Variants in SH2D7 observed in about 807,000 individuals in gnomAD.
The protein encoded by SH2D7 is SH2 domain containing 7.
SH2D7 carries 32 observed loss-of-function variants against 40.8 expected under a neutral mutation model. The observed-to-expected ratio is 0.78, with a 90% CI of 0.59 to 1.05. The LOEUF (loss-of-function observed/expected upper bound fraction) is 1.05, where lower values mean the gene tolerates loss of function less well. Ranked by LOEUF, SH2D7 falls within the 50% of genes least tolerant of loss-of-function variation. The probability of loss-of-function intolerance (pLI) is 0.00; values close to 1 mark genes in which losing one functional copy is unlikely to be tolerated. For missense variants in SH2D7, 559 were observed against 566.6 expected, an observed-to-expected ratio of 0.99 and a Z score of 0.14; for synonymous variants, 195 against 221.5, an observed-to-expected ratio of 0.88 and a Z score of 1.06.
rs1350131096 is a variant in SH2D7 at position 78,101,248 on chromosome 15, T to G, written c.995T>G (p.Phe332Cys). The G allele has an allele frequency of 6.2e-7, 1 of 1,606,616 alleles. No individual in the cohort carries two copies. The highest frequency in any genetic ancestry group is 1.1e-5 in the South Asian group (1 of 90,298). The stretch of plus-strand genomic sequence containing the variant: ...CTGGGGGCTACCTGGAGGCAGGAGT[T>G]TCCAAAGCTGAGCCAAGAGGCTCAG... Reference protein sequence around the residue: ...GSLGATWRQEFPKLSQEAQPC... With the variant: ...GSLGATWRQECPKLSQEAQPC... The change falls in exon 5 of 6, where the codon TTT becomes TGT. Residue 332 changes from phenylalanine to cysteine, a missense_variant. Transcript: ENST00000328828.
chr15:78,092,789 C>T, intron 1 of SH2D7, 29 bp downstream of exon 1: 1 of 1,589,864 alleles, frequency 6.3e-7, no homozygotes, highest in South Asian at 1.1e-5. Context: ...ACAGGTCCCT[C>T]ATAGCCCACA....
In SH2D7 at chr15:78,103,649, C is replaced by A. The variant is rs1255502887; in HGVS notation, c.*134C>A. 1 of 1,137,230 alleles carries A rather than the reference C, an allele frequency of 8.8e-7. No individual in the cohort carries two copies. Among genetic ancestry groups the A allele is most frequent in the South Asian group, 1.5e-5 (1 of 65,734 alleles). The allele number at this position is 1,137,230 out of a possible 1,614,324, so 70.4% of individuals were successfully genotyped here. ...TCATCCAGCCTGCTACAGAACTAGGCTCCGAGACAGCCGAGGTGCCTGCCT... is the reference window on the plus strand; with the variant it reads ...TCATCCAGCCTGCTACAGAACTAGGATCCGAGACAGCCGAGGTGCCTGCCT... On this transcript the variant is annotated 3_prime_UTR_variant, in exon 6 of 6. Transcript: ENST00000328828.
chr15:78,097,950 T>TCGGATA lies in SH2D7; in HGVS notation c.288_289insCGGATA (p.His96_Phe97insArgIle). On this transcript the variant is annotated inframe_insertion, in exon 3 of 6. Coordinates refer to ENST00000328828, the MANE Select transcript of SH2D7 (RefSeq NM_001101404.2). ...GCAGGGGCAGTGATCGCTGCCGACA[T>TCGGATA]TTTGTCATCAACCAGCTTCGAAACC... 1 of 1,606,288 alleles carries TCGGATA rather than the reference T, an allele frequency of 6.2e-7. No individual in the cohort carries two copies. Among genetic ancestry groups the TCGGATA allele is most frequent in the Middle Eastern group, 1.7e-4 (1 of 6,042 alleles).
In SH2D7 at chr15:78,101,218, G is replaced by C; in HGVS notation, c.965G>C (p.Gly322Ala). ...TCCTGGGGATGTTCTGATGCCATGG[G>C]ATCCCTGGGGGCTACCTGGAGGCAG... Reference protein sequence around the residue: ...PTSWGCSDAMGSLGATWRQEF... With the variant: ...PTSWGCSDAMASLGATWRQEF... The change falls in exon 5 of 6, where the codon GGA (glycine) becomes GCA (alanine). Residue 322 changes from glycine to alanine, a missense_variant. Transcript: ENST00000328828. The C allele has an allele frequency of 2.5e-6, 4 of 1,600,696 alleles. No individual in the cohort carries two copies. The highest frequency in any genetic ancestry group is 3.4e-6 in the Non-Finnish European group (4 of 1,174,756).
Position 78,094,155 on chromosome 15 carries a change from C to T in SH2D7, c.220C>T (p.Leu74Phe), listed in dbSNP as rs1197210299. Residue 74 changes from leucine to phenylalanine, a missense_variant, in exon 2 of 6, where the codon CTT (leucine) becomes TTT (phenylalanine). Physicochemically the swap from Leu to Phe is conservative, Grantham distance 22. Transcript: ENST00000328828. ...LLRDKALGSF[L>F]IRLSDRATGY... ...CAGGGACAAAGCTCTTGGTTCCTTC[C>T]TTATCCGCCTCAGTGACCGAGCCAC... is the stretch of plus-strand genomic sequence containing the variant. The T allele has an allele frequency of 6.2e-7, 1 of 1,608,834 alleles. No individual in the cohort carries two copies. Among genetic ancestry groups the T allele is most frequent in the East Asian group, 2.2e-5 (1 of 44,644 alleles).
chr15:78,097,182 G>C (rs1270710804), intron 2 of SH2D7, among the ~76,000 whole-genome samples: 1 of 152,226 alleles, frequency 6.6e-6, no homozygotes, highest in Non-Finnish European at 1.5e-5. Context: ...TATGCTGATA[G>C]GCGTCGGAAT....
At chr15:78,103,368 G>T in intron 5 of SH2D7, 97 bp from the exon 6 acceptor site, 1 of 1,423,256 alleles carries the variant, frequency 7.0e-7, no homozygotes, top group South Asian at 1.3e-5. Context: ...CCTAGGCTTG[G>T]GCCCCCAACC....
At chr15:78,092,491 T>TA, upstream of SH2D7, 1 of 1,355,144 alleles carries the variant, frequency 7.4e-7, no homozygotes, top group Non-Finnish European at 9.9e-7. Flanking sequence ...GGCCCTTGGG[T>TA]AGGGCACGGG....
chr15:78,092,684 T>G lies in SH2D7; in HGVS notation c.100T>G (p.Phe34Val). ...GCTCCAGGAGCTTGCCCTGAAGTGG[T>G]TCATGGAGACACAGGCCCCCTTCAT... ...AELQELALKW[F>V]METQAPFILQ... The change falls in exon 1 of 6, where the codon TTC (phenylalanine) becomes GTC (valine). Residue 34 changes from phenylalanine (F) to valine (V), a missense_variant. Coordinates refer to ENST00000328828, the MANE Select transcript of SH2D7 (RefSeq NM_001101404.2). The G allele has an allele frequency of 2.5e-6, 4 of 1,591,104 alleles. No individual in the cohort carries two copies. The highest frequency in any genetic ancestry group is 1.1e-5 in the South Asian group (1 of 87,066).
At chr15:78,091,245 A>G (rs2073938959), upstream of SH2D7, 1 of 152,198 alleles carries the variant, frequency 6.6e-6, no homozygotes, top group African/African-American at 2.4e-5. Context: ...AAGGGCTTTA[A>G]GCAGGGGAAA....
intron 4 of SH2D7, 70 bp downstream of exon 4, chr15:78,098,666 C>A: frequency 1.3e-6 from 2 of 1,520,266 alleles, no homozygotes; most frequent in South Asian, 1.2e-5. Context: ...TGCTCCCAGT[C>A]AGACCCTGAG....
upstream of SH2D7, among the ~76,000 whole-genome samples, chr15:78,090,482 T>C (rs1410982852): frequency 6.6e-6 from 1 of 152,140 alleles, no homozygotes; most frequent in Non-Finnish European, 1.5e-5. Flanking sequence ...TCCTTGCGTG[T>C]TCTCTACACT....
At chr15:78,100,699 AAAAC>A (rs1240369916) in intron 4 of SH2D7, among the ~76,000 whole-genome samples, 196 bp from the exon 5 acceptor site, 1 of 152,160 alleles carries the variant, frequency 6.6e-6, no homozygotes, top group East Asian at 1.9e-4. Flanking sequence ...TCCATCTCAA[AAAAC>A]AAACAAAAAA....
chr15:78,101,679 G>A (rs2074018558), intron 5 of SH2D7, 121 bp downstream of exon 5: 2 of 1,192,766 alleles, frequency 1.7e-6, no homozygotes, highest in Non-Finnish European at 2.3e-6. Context: ...GAAGTACACA[G>A]AATTTTCCAG....
chr15:78,092,861 C>A lies in SH2D7; in HGVS notation c.176+101C>A, dbSNP rs887079854. 15 of 1,383,482 alleles carry A rather than the reference C, an allele frequency of 1.1e-5. No individual in the cohort carries two copies. The African/African-American group carries it at 2.2e-4, about 20-fold the overall frequency. The allele number at this position is 1,383,482 out of a possible 1,614,324, so 85.7% of individuals were successfully genotyped here. A position where few individuals can be genotyped will look rare whatever the true frequency, so the allele number is the denominator to read the frequency against. ...GATCAGACTGGTTCCCATCCTTTCC[C>A]TGGGCTAGGCAGGGGCCCTTGGAGG... On this transcript the variant is annotated intron_variant, in intron 1 of 5. Coordinates refer to ENST00000328828, the MANE Select transcript of SH2D7 (RefSeq NM_001101404.2).
Position 78,103,677 on chromosome 15 carries a change from G to T in SH2D7, c.*162G>T. 1 of 838,316 alleles carries T rather than the reference G, an allele frequency of 1.2e-6. No homozygotes were observed. The highest frequency in any genetic ancestry group is 1.8e-6 in the Non-Finnish European group (1 of 550,328). The allele number at this position is 838,316 out of a possible 1,614,324, so 51.9% of individuals were successfully genotyped here. On this transcript the variant is annotated 3_prime_UTR_variant, in exon 6 of 6. Transcript: ENST00000328828. Reference sequence around the variant, plus strand: ...CGAGACAGCCGAGGTGCCTGCCTGAGAGCAGGTGGAAGAGGACCTTGCAGG... The same window carrying T: ...CGAGACAGCCGAGGTGCCTGCCTGATAGCAGGTGGAAGAGGACCTTGCAGG...
chr15:78,096,660 A>ATTTT (rs112148755), intron 2 of SH2D7, among the ~76,000 whole-genome samples: 1 of 145,824 alleles, frequency 6.9e-6, no homozygotes, highest in Non-Finnish European at 1.5e-5. Flanking sequence ...GACACCGGCT[A>ATTTT]TTTTTTTTTT....
At position 78,092,574 on chromosome 15, in the gene SH2D7, T is replaced by C; in HGVS notation, c.-11T>C. On this transcript the variant is annotated 5_prime_UTR_variant, in exon 1 of 6. Coordinates refer to ENST00000328828, the MANE Select transcript of SH2D7 (RefSeq NM_001101404.2). ...TGGCTGCGCTCTGCTTCCACTCTGG[T>C]GCCTGCCAGCATGGAGGACAGCCTA... The C allele has an allele frequency of 6.5e-7, 1 of 1,543,734 alleles. No individual in the cohort carries two copies.
intron 3 of SH2D7, 88 bp from the exon 4 acceptor site, chr15:78,098,296 G>T (rs951649770): frequency 1.3e-6 from 2 of 1,501,892 alleles, no homozygotes; most frequent in African/African-American, 1.4e-5. Flanking sequence ...TGGGAATGTT[G>T]CAGTCTCTTA....
Sources: allele counts gnomAD v4.1 joint callset (sites outside exome capture counted in the v4.1 genomes callset), GRCh38; gene constraint gnomAD v4.1.1; transcripts MANE v1.5; gene names NCBI Gene and HGNC (gene_info 2026-07-23, HGNC 2026-07-21).